Variants in FXR1 observed in about 807,000 individuals in gnomAD.
The protein encoded by FXR1 is RNA-binding protein FXR1.
A neutral mutation model predicts 84.0 loss-of-function variants in FXR1; 15 were observed. The ratio of observed to expected loss-of-function variants is 0.18; its 90% CI spans 0.12 to 0.27. FXR1 has a LOEUF of 0.27. Among genes scored for constraint, FXR1 ranks in the 10% least tolerant of loss-of-function variants. The probability of loss-of-function intolerance (pLI) is 1.00; values close to 1 mark genes in which losing one functional copy is unlikely to be tolerated. For synonymous variants in FXR1, 245 were observed against 250.7 expected, an observed-to-expected ratio of 0.98 and a Z score of 0.21; for missense variants, 480 against 774.4, an observed-to-expected ratio of 0.62 and a Z score of 4.51.
intron 3 of FXR1, among the ~76,000 whole-genome samples, chr3:180,939,105 G>A (rs1341171903): frequency 1.3e-5 from 2 of 152,014 alleles, no homozygotes; most frequent in Non-Finnish European, 2.9e-5. Flanking sequence ...ATGTTGGCCA[G>A]GCTGGTCTCG....
chr3:180,913,307 C>A (rs1717469086), intron 1 of FXR1, among the ~76,000 whole-genome samples: 1 of 152,176 alleles, frequency 6.6e-6, no homozygotes, highest in Non-Finnish European at 1.5e-5. Context: ...GGATCAAATA[C>A]AGAAAAGCAG....
chr3:180,922,977 A>G (rs1375150683), intron 1 of FXR1, among the ~76,000 whole-genome samples: 2 of 152,118 alleles, frequency 1.3e-5, no homozygotes, highest in Non-Finnish European at 2.9e-5. Context: ...AGTTTTTAAC[A>G]TAATTTTTTT....
intron 2 of FXR1, among the ~76,000 whole-genome samples, chr3:180,933,857 T>G (rs1311969587): frequency 6.6e-6 from 1 of 152,136 alleles, no homozygotes; most frequent in African/African-American, 2.4e-5. Flanking sequence ...ATGCCTGTAA[T>G]CCCAGCACTT....
intron 1 of FXR1, chr3:180,915,711 C>A (rs1717818304): frequency 1.4e-6 from 1 of 695,874 alleles, no homozygotes; most frequent in Admixed American, 2.0e-5. Flanking sequence ...GTGTGAATTG[C>A]CATTGATGAG....
intron 13 of FXR1, among the ~76,000 whole-genome samples, chr3:180,966,729 G>A (rs908063762): frequency 2.0e-5 from 3 of 152,148 alleles, no homozygotes; most frequent in African/African-American, 7.2e-5. Context: ...TAGATGTGGG[G>A]CGATTTTAGG....
At chr3:180,962,535 C>CT (rs760374618) in intron 11 of FXR1, among the ~76,000 whole-genome samples, 2 of 152,348 alleles carry the variant, frequency 1.3e-5, no homozygotes, top group Non-Finnish European at 2.9e-5. Flanking sequence ...TTCAGCAATT[C>CT]TAACTCCTTG....
chr3:180,960,231 G>A (rs1257857284), intron 10 of FXR1, among the ~76,000 whole-genome samples: 3 of 152,088 alleles, frequency 2.0e-5, no homozygotes, highest in South Asian at 2.1e-4. Flanking sequence ...ATACCTCTAC[G>A]TATCTTAATA....
At chr3:180,952,880 TGGA>T (rs1722376134) in intron 8 of FXR1, among the ~76,000 whole-genome samples, 1 of 150,372 alleles carries the variant, frequency 6.7e-6, no homozygotes, top group Non-Finnish European at 1.5e-5. Flanking sequence ...TTGCTCAGGC[TGGA>T]GTGCAGTGGC....
intron 15 of FXR1, among the ~76,000 whole-genome samples, chr3:180,974,046 T>G (rs987192272): frequency 6.6e-5 from 10 of 152,202 alleles, no homozygotes; most frequent in African/African-American, 2.2e-4. Context: ...AAGTATATAT[T>G]GTACTTTTAC....
intron 1 of FXR1, among the ~76,000 whole-genome samples, chr3:180,924,512 A>T (rs563407780): frequency 1.1e-3 from 165 of 152,306 alleles, no homozygotes; most frequent in African/African-American, 3.8e-3. Flanking sequence ...AGGACAACAG[A>T]TGAGATTCTG....
intron 1 of FXR1, 91 bp downstream of exon 1, chr3:180,912,827 T>C: frequency 6.2e-7 from 1 of 1,601,946 alleles, no homozygotes; most frequent in Non-Finnish European, 8.5e-7. Flanking sequence ...AGGTTTGGGG[T>C]CGGAAAGGCA....
In FXR1 at chr3:180,961,528, C is replaced by G. The variant is rs376660925; in HGVS notation, c.1051C>G (p.Leu351Val). 1.3e-6 allele frequency: 2 copies of G among 1,536,422 alleles called. No homozygotes were observed. Among genetic ancestry groups the G allele is most frequent in the Non-Finnish European group, 9.0e-7 (1 of 1,110,660 alleles). Residue 351 changes from leucine to valine, a missense_variant, in exon 11 of 17, where the codon CTA becomes GTA. Transcript: ENST00000357559. ...KESIGNVQVLLEYHIAYLKEV... is the reference protein window; with the variant it reads ...KESIGNVQVLVEYHIAYLKEV... ...AAGCATTGGAAATGTGCAGGTTCTT[C>G]TAGAGTATCATATTGCCTATCTAAA...
rs1163538098 is a variant in FXR1, at chr3:180,976,999, T to G, written c.*707T>G. The G allele has an allele frequency of 1.3e-5, 2 of 152,480 alleles. No individual in the cohort carries two copies. Among genetic ancestry groups the G allele is most frequent in the African/African-American group, 4.8e-5 (2 of 41,434 alleles). 9.4% of individuals were successfully genotyped at this position (152,480 alleles called of 1,614,324 possible). A position where few individuals can be genotyped will look rare whatever the true frequency, so the allele number is the denominator to read the frequency against. ...TCCATTCAGACATAACCTGAACTAC[T>G]GAAAAGATCAATTTCCAGAAGGTTT... On this transcript the variant is annotated 3_prime_UTR_variant, in exon 17 of 17. Coordinates refer to ENST00000357559, the MANE Select transcript of FXR1 (RefSeq NM_005087.4).
chr3:180,951,222 G>A lies in FXR1; in HGVS notation c.631-76G>A. 4.6e-6 allele frequency: 4 copies of A among 863,834 alleles called. No individual in the cohort carries two copies. In the East Asian group the frequency reaches 7.7e-5, roughly 17 times the overall value. The allele number at this position is 863,834 out of a possible 1,614,324, so 53.5% of individuals were successfully genotyped here. ...TTGGTGACAGAGTGAGACCCTGTCT[G>A]GAAAAAAACCAAACCATACAAAAAA... On this transcript the variant is annotated intron_variant, in intron 7 of 16. Transcript: ENST00000357559.
rs187520116 is a variant in FXR1, at chr3:180,927,425, T to G, written c.52-5909T>G. 2.5e-3 allele frequency among the ~76,000 whole-genome samples: 375 copies of G among 152,228 alleles called. 2 individuals carry two copies. Among genetic ancestry groups the G allele is most frequent in the Non-Finnish European group, 4.2e-3 (285 of 67,950 alleles). The stretch of plus-strand genomic sequence containing the variant: ...TTAGGTCACTGTTCCACAGCCAGGG[T>G]CCATAATACATCTGTTCAGATTTTT... On this transcript the variant is annotated intron_variant, in intron 1 of 16. Transcript: ENST00000357559.
chr3:180,971,077 G>C (rs1190917187), intron 15 of FXR1: 2 of 1,223,380 alleles, frequency 1.6e-6, no homozygotes, highest in Admixed American at 2.7e-5. Context: ...AATTACAGAT[G>C]ATAGTGAAAA....
At chr3:180,960,466 C>T (rs776923944) in intron 10 of FXR1, among the ~76,000 whole-genome samples, 4 of 152,006 alleles carry the variant, frequency 2.6e-5, no homozygotes, top group African/African-American at 4.8e-5. Flanking sequence ...GAAGGAAAAT[C>T]GTTGTTTTTT....
chr3:180,961,015 G>A (rs906099621), intron 10 of FXR1, among the ~76,000 whole-genome samples: 2 of 151,818 alleles, frequency 1.3e-5, no homozygotes, highest in African/African-American at 2.4e-5. Flanking sequence ...AAATTGCTGC[G>A]TGTTTCAGAA....
chr3:180,923,244 G>T (rs1718791044), intron 1 of FXR1, among the ~76,000 whole-genome samples: 1 of 152,172 alleles, frequency 6.6e-6, no homozygotes, highest in African/African-American at 2.4e-5. Context: ...AGAGGTTGAT[G>T]CTCAGCATCC....
Sources: gnomAD v4.1 joint callset for allele counts (sites outside exome capture counted in the v4.1 genomes callset) on GRCh38, gnomAD v4.1.1 for gene constraint, MANE v1.5 for transcripts, NCBI Gene and HGNC (gene_info 2026-07-23, HGNC 2026-07-21) for gene names.